The following MOB3B variants were observed in gnomAD, a reference collection of about 807,000 sequenced individuals.
The protein encoded by MOB3B is MOB kinase activator-like 2B.
Under a neutral mutation model 18.7 loss-of-function variants are expected in MOB3B, and 7 were observed. The observed-to-expected ratio is 0.37, with a 90% CI of 0.21 to 0.70. The LOEUF (loss-of-function observed/expected upper bound fraction) is 0.70, where lower values mean the gene tolerates loss of function less well. Ranked by LOEUF, MOB3B falls within the 30% of genes least tolerant of loss-of-function variation. The pLI, the probability that MOB3B is intolerant of heterozygous loss-of-function variation, is 0.52. For missense variants in MOB3B, 253 were observed against 281.3 expected (o/e 0.90, Z 0.72); for synonymous variants, 111 against 99.9 (o/e 1.11, Z -0.66).
At chr9:27,509,808 T>A (rs945895697) in intron 1 of MOB3B, among the ~76,000 whole-genome samples, 2 of 152,078 alleles carry the variant, frequency 1.3e-5, no homozygotes, top group Non-Finnish European at 2.9e-5. Context: ...CACTGCAACC[T>A]CCACCTCCTG....
intron 2 of MOB3B, among the ~76,000 whole-genome samples, chr9:27,424,021 G>A (rs1277028414): frequency 6.6e-6 from 1 of 152,192 alleles, no homozygotes; most frequent in African/African-American, 2.4e-5. Context: ...ACCTAGACAG[G>A]CTGGCTTCAG....
At chr9:27,331,642 G>T (rs1043305423) in intron 3 of MOB3B, among the ~76,000 whole-genome samples, 8 of 152,182 alleles carry the variant, frequency 5.3e-5, no homozygotes, top group African/African-American at 1.4e-4. Flanking sequence ...CATCTCCAAG[G>T]ATGGTCTGAG....
chr9:27,352,168 C>T (rs1253739488), intron 3 of MOB3B, among the ~76,000 whole-genome samples: 1 of 152,060 alleles, frequency 6.6e-6, no homozygotes, highest in African/African-American at 2.4e-5. Context: ...ATCACTTGAG[C>T]TCAGGAGTTC....
intron 3 of MOB3B, among the ~76,000 whole-genome samples, chr9:27,339,156 G>A (rs1820905369): frequency 6.6e-6 from 1 of 152,198 alleles, no homozygotes; most frequent in Admixed American, 6.5e-5. Context: ...TGGTCAAGCT[G>A]GTGGAGCTTC....
intron 1 of MOB3B, among the ~76,000 whole-genome samples, chr9:27,493,484 C>G (rs1032184701): frequency 6.6e-6 from 1 of 152,044 alleles, no homozygotes; most frequent in Non-Finnish European, 1.5e-5. Flanking sequence ...ACTAAAAATA[C>G]AAGAAAATTA....
At chr9:27,384,030 A>C (rs1409557959) in intron 2 of MOB3B, among the ~76,000 whole-genome samples, 3 of 152,224 alleles carry the variant, frequency 2.0e-5, no homozygotes, top group African/African-American at 7.2e-5. Flanking sequence ...ACAGTAAAGA[A>C]ACCTGCTTAT....
intron 2 of MOB3B, among the ~76,000 whole-genome samples, chr9:27,431,919 G>C (rs1172411550): frequency 6.6e-6 from 1 of 152,154 alleles, no homozygotes; most frequent in Non-Finnish European, 1.5e-5. Context: ...GAGACCCAAG[G>C]CATGTTACAA....
At chr9:27,472,543 G>T (rs915425703) in intron 1 of MOB3B, among the ~76,000 whole-genome samples, 3 of 151,884 alleles carry the variant, frequency 2.0e-5, no homozygotes, top group Admixed American at 6.6e-5. Flanking sequence ...CCTCTATTTG[G>T]TCTAAGAAAT....
rs114057627 is a variant in MOB3B at position 27,466,560 on chromosome 9, T to C, written c.-198-10812A>G. 4.6e-3 allele frequency among the ~76,000 whole-genome samples: 696 copies of C among 152,328 alleles called. 5 individuals are homozygous for C. The highest frequency in any genetic ancestry group is 0.016 in the African/African-American group (676 of 41,564). On this transcript the variant is annotated intron_variant, in intron 1 of 3. Transcript: ENST00000262244. The stretch of plus-strand genomic sequence containing the variant: ...ACCAATTTACTATATTTGTCCATTT[T>C]CATGCTGCTGATAAAAACATACCCA...
intron 1 of MOB3B, chr9:27,524,856 A>G: frequency 6.2e-7 from 1 of 1,614,162 alleles, no homozygotes; most frequent in Non-Finnish European, 8.5e-7. Flanking sequence ...CAATTTCCTG[A>G]AAGAAAAGAA....
At chr9:27,385,219 C>A (rs1307708608) in intron 2 of MOB3B, among the ~76,000 whole-genome samples, 1 of 152,152 alleles carries the variant, frequency 6.6e-6, no homozygotes, top group East Asian at 1.9e-4. Flanking sequence ...CCTCTGAATT[C>A]TTATATTCAC....
intron 2 of MOB3B, among the ~76,000 whole-genome samples, chr9:27,417,773 A>G (rs1822176229): frequency 6.6e-6 from 1 of 151,992 alleles, no homozygotes; most frequent in Non-Finnish European, 1.5e-5. Context: ...ATAGAAACAC[A>G]ACCCTTTGGC....
intron 2 of MOB3B, among the ~76,000 whole-genome samples, chr9:27,438,019 T>C (rs1439891323): frequency 6.6e-6 from 1 of 152,234 alleles, no homozygotes. Flanking sequence ...CATGCAAATA[T>C]GCCAGGATGC....
intron 2 of MOB3B, among the ~76,000 whole-genome samples, chr9:27,379,488 C>T (rs182453002): frequency 1.3e-5 from 2 of 152,162 alleles, no homozygotes; most frequent in Admixed American, 6.5e-5. Context: ...GAGGCAGGTA[C>T]TACCATCATC....
intron 3 of MOB3B, among the ~76,000 whole-genome samples, chr9:27,336,611 G>T (rs1406402935): frequency 6.6e-6 from 1 of 152,042 alleles, no homozygotes; most frequent in Non-Finnish European, 1.5e-5. Flanking sequence ...GTTAAAGCAG[G>T]GCAGTGAGCA....
At chr9:27,487,026 G>T (rs1252719978) in intron 1 of MOB3B, among the ~76,000 whole-genome samples, 4 of 152,016 alleles carry the variant, frequency 2.6e-5, no homozygotes, top group Non-Finnish European at 5.9e-5. Flanking sequence ...AGCTACTCAG[G>T]AGGCTGAGGA....
chr9:27,516,544 G>A (rs563377415), intron 1 of MOB3B, among the ~76,000 whole-genome samples: 12 of 152,264 alleles, frequency 7.9e-5, no homozygotes, highest in Admixed American at 7.8e-4. Flanking sequence ...GAGAATAGCT[G>A]GATTACAGTG....
chr9:27,400,944 C>T (rs530233426), intron 2 of MOB3B, among the ~76,000 whole-genome samples: 80 of 152,216 alleles, frequency 5.3e-4, no homozygotes, highest in Non-Finnish European at 9.1e-4. Flanking sequence ...TTCCTCATTT[C>T]CATTTAGTTG....
chr9:27,507,714 T>C (rs1343148011), intron 1 of MOB3B, among the ~76,000 whole-genome samples: 1 of 152,170 alleles, frequency 6.6e-6, no homozygotes, highest in Non-Finnish European at 1.5e-5. Context: ...GTCGAAAGAA[T>C]CTCTAGGAGT....
Sources: allele counts gnomAD v4.1 joint callset (sites outside exome capture counted in the v4.1 genomes callset), GRCh38; gene constraint gnomAD v4.1.1; transcripts MANE v1.5; gene names NCBI Gene and HGNC (gene_info 2026-07-23, HGNC 2026-07-21).